ADD1: variants seen among roughly 807,000 people sequenced by gnomAD.
The protein encoded by ADD1 is adducin 1.
Under a neutral mutation model 80.5 loss-of-function variants are expected in ADD1, and 24 were observed. That is an observed-to-expected ratio of 0.30 (90% CI 0.22 to 0.42). The LOEUF is 0.42. Among genes scored for constraint, ADD1 ranks in the 10% least tolerant of loss-of-function variants. ADD1 has a pLI of 1.00. For synonymous variants in ADD1, 373 were observed against 393.8 expected, an observed-to-expected ratio of 0.95 and a Z score of 0.63; for missense variants, 948 against 1,019.0, an observed-to-expected ratio of 0.93 and a Z score of 0.95.
At chr4:2,898,816 G>C (rs561649772) in intron 8 of ADD1, 6 of 447,880 alleles carry the variant, frequency 1.3e-5, no homozygotes, top group Non-Finnish European at 2.5e-5. Context: ...CAGGTGCTTA[G>C]TGTGTGTCAT....
chr4:2,859,739 G>A (rs780224543), intron 1 of ADD1, among the ~76,000 whole-genome samples: 3 of 152,130 alleles, frequency 2.0e-5, no homozygotes, highest in Non-Finnish European at 2.9e-5. Flanking sequence ...CATTTTGGAG[G>A]TTTTCTTTAC....
intron 2 of ADD1, among the ~76,000 whole-genome samples, chr4:2,881,072 CTTTTTTTTT>C (rs752868581): frequency 3.4e-5 from 3 of 89,362 alleles, no homozygotes; most frequent in Non-Finnish European, 6.0e-5. Flanking sequence ...GATGTATTTA[CTTTTTTTTT>C]TTTTTTTTTT....
rs139827163 is a variant in ADD1, at chr4:2,893,176, A to G, written c.511-837A>G. Among the ~76,000 whole-genome samples the G allele has an allele frequency of 3.5e-3, 533 of 151,930 alleles. 7 individuals carry two copies. Among genetic ancestry groups the G allele is most frequent in the African/African-American group, 9.4e-3 (389 of 41,470 alleles). Reference sequence around the variant, plus strand: ...ACTCCTGACCTCAAGTGATCCACCCATCTTCGCCTCCCAAAGTGCTGGGAT... The same window carrying G: ...ACTCCTGACCTCAAGTGATCCACCCGTCTTCGCCTCCCAAAGTGCTGGGAT... On this transcript the variant is annotated intron_variant, in intron 4 of 15. Transcript: ENST00000683351.
intron 1 of ADD1, among the ~76,000 whole-genome samples, chr4:2,874,230 A>G (rs1236930501): frequency 6.6e-6 from 1 of 151,788 alleles, no homozygotes; most frequent in Non-Finnish European, 1.5e-5. Flanking sequence ...ACAAAGAGAA[A>G]AAAGATTCCA....
At chr4:2,879,053 T>C (rs1560177686) in intron 2 of ADD1, among the ~76,000 whole-genome samples, 1 of 151,780 alleles carries the variant, frequency 6.6e-6, no homozygotes, top group Non-Finnish European at 1.5e-5. Context: ...CTGAGATGGG[T>C]TGGATGACAG....
Position 2,907,506 on chromosome 4 carries a change from A to C in ADD1, c.1507-237A>C, listed in dbSNP as rs1358609113. The C allele has an allele frequency of 7.1e-6, 3 of 420,300 alleles. No homozygotes were observed. The East Asian group carries it at 1.4e-4, about 20-fold the overall frequency. The allele number at this position is 420,300 out of a possible 1,614,324, so 26.0% of individuals were successfully genotyped here. On this transcript the variant is annotated intron_variant, in intron 10 of 15. Coordinates refer to ENST00000683351, the MANE Select transcript of ADD1 (RefSeq NM_001354761.2). ...TGACCCAGATTCAGCTGGGCTTTCC[A>C]GATGGTGGTTTTCCATCAGTCATGA...
chr4:2,855,995 C>CCCA (rs1728001694), intron 1 of ADD1, among the ~76,000 whole-genome samples: 2 of 147,742 alleles, frequency 1.4e-5, no homozygotes, highest in East Asian at 4.2e-4. Flanking sequence ...CACCATTGGG[C>CCCA]ATGGTGGTGC....
rs755739089 is a variant in ADD1, at chr4:2,909,345, C to CCT, written c.1712_1713dup (p.Asp572LeufsTer31). The CCT allele has an allele frequency of 6.5e-6, 10 of 1,550,126 alleles. No individual in the cohort carries two copies. Among genetic ancestry groups the CCT allele is most frequent in the Non-Finnish European group, 8.7e-6 (10 of 1,146,648 alleles). ...ACTCAGTTTACTGTTTCAGGATGCACCTCTCTCTGACTGTACGGAAACTAT... is the reference window on the plus strand; with the variant it reads ...ACTCAGTTTACTGTTTCAGGATGCACCTCTCTCTCTGACTGTACGGAAACTAT... On this transcript the variant is annotated frameshift_variant, in exon 13 of 16. Transcript: ENST00000683351. LOFTEE classifies it high-confidence loss of function.
At chr4:2,927,516 C>T (rs985727825) in intron 15 of ADD1, among the ~76,000 whole-genome samples, 1 of 152,204 alleles carries the variant, frequency 6.6e-6, no homozygotes, top group Non-Finnish European at 1.5e-5. Flanking sequence ...AGCGGGTGCC[C>T]GGGTAAGTGC....
intron 2 of ADD1, among the ~76,000 whole-genome samples, chr4:2,876,803 C>A (rs994196947): frequency 6.7e-6 from 1 of 150,170 alleles, no homozygotes; most frequent in Non-Finnish European, 1.5e-5. Flanking sequence ...CATGCCACTG[C>A]ACTTCAGCCT....
chr4:2,870,250 T>C (rs1263784449), intron 1 of ADD1, among the ~76,000 whole-genome samples: 1 of 152,212 alleles, frequency 6.6e-6, no homozygotes, highest in Non-Finnish European at 1.5e-5. Flanking sequence ...TAGTTACACA[T>C]TAATAAAGAT....
chr4:2,907,555 TC>T lies in ADD1; in HGVS notation c.1507-187del, dbSNP rs141303790. On this transcript the variant is annotated intron_variant, in intron 10 of 15. Coordinates refer to ENST00000683351, the MANE Select transcript of ADD1 (RefSeq NM_001354761.2). The stretch of plus-strand genomic sequence containing the variant: ...GACTTTGACTTCCAGCATTAACTGG[TC>T]TTTATGTGGCTGCATCCTGCTCCCA... The T allele has an allele frequency of 4.8e-3, 2,606 of 537,704 alleles. 52 individuals carry two copies. Among genetic ancestry groups the T allele is most frequent in the African/African-American group, 0.039 (2,037 of 52,388 alleles). 33.3% of individuals were successfully genotyped at this position (537,704 alleles called of 1,614,324 possible).
At chr4:2,898,612 C>T (rs752403651) in intron 8 of ADD1, 81 bp downstream of exon 8, 2 of 1,218,212 alleles carry the variant, frequency 1.6e-6, no homozygotes, top group Non-Finnish European at 2.4e-6. Context: ...TGATACTTAT[C>T]GAGTAGGAGA....
At position 2,899,351 on chromosome 4, in the gene ADD1, G is replaced by A. The variant is rs903496588; in HGVS notation, c.1077G>A (p.Pro359=). Residue 359 remains proline (P), a synonymous_variant, in exon 9 of 16, where the codon CCG becomes CCA. Coordinates refer to ENST00000683351, the MANE Select transcript of ADD1 (RefSeq NM_001354761.2). Reference sequence around the variant, plus strand: ...CCAAGTCCCGTTCCCCAGGGTCTCCGGTAGGGGAAGGCACTGGATCGCCTC... The same window carrying A: ...CCAAGTCCCGTTCCCCAGGGTCTCCAGTAGGGGAAGGCACTGGATCGCCTC... The part of the protein sequence containing the change: ...YKAKSRSPGS[P]VGEGTGSPPK... 1.2e-6 allele frequency: 2 copies of A among 1,614,184 alleles called. No homozygotes were observed. The highest frequency in any genetic ancestry group is 8.5e-7 in the Non-Finnish European group (1 of 1,180,018).
intron 14 of ADD1, among the ~76,000 whole-genome samples, chr4:2,917,107 C>A (rs1480873033): frequency 1.3e-5 from 2 of 152,218 alleles, no homozygotes; most frequent in Non-Finnish European, 2.9e-5. Context: ...GAGGAATCGC[C>A]ACACTGCCTT....
intron 15 of ADD1, among the ~76,000 whole-genome samples, chr4:2,927,147 G>A (rs945507182): frequency 6.6e-6 from 1 of 152,228 alleles, no homozygotes; most frequent in African/African-American, 2.4e-5. Context: ...CTCAGATGAT[G>A]GCAGCTCTCC....
chr4:2,881,140 C>T (rs951918976), intron 2 of ADD1, among the ~76,000 whole-genome samples: 2 of 147,074 alleles, frequency 1.4e-5, no homozygotes, highest in African/African-American at 2.6e-5. Context: ...TGCAATGGCC[C>T]AATCTCGGCT....
At chr4:2,920,372 A>G (rs1487816845) in intron 14 of ADD1, among the ~76,000 whole-genome samples, 1 of 152,186 alleles carries the variant, frequency 6.6e-6, no homozygotes, top group African/African-American at 2.4e-5. Flanking sequence ...AGCTGAGTTC[A>G]AGTCCTGAAT....
At chr4:2,870,483 A>T (rs1287961298) in intron 1 of ADD1, among the ~76,000 whole-genome samples, 1 of 151,540 alleles carries the variant, frequency 6.6e-6, no homozygotes, top group Non-Finnish European at 1.5e-5. Context: ...GAATTTGTAT[A>T]ATGCAACAGA....
Sources: gnomAD v4.1 joint callset for allele counts (sites outside exome capture counted in the v4.1 genomes callset) on GRCh38, gnomAD v4.1.1 for gene constraint, MANE v1.5 for transcripts, NCBI Gene and HGNC (gene_info 2026-07-23, HGNC 2026-07-21) for gene names.